The following RABEP1 variants were observed in gnomAD, a reference collection of about 807,000 sequenced individuals.
RABEP1 encodes rab GTPase-binding effector protein 1.
Under a neutral mutation model 123.4 loss-of-function variants are expected in RABEP1, and 51 were observed. That is an observed-to-expected ratio of 0.41 (90% CI 0.33 to 0.52). The LOEUF is 0.52. Ranked by LOEUF, RABEP1 falls within the 20% of genes least tolerant of loss-of-function variation. The probability of loss-of-function intolerance (pLI) is 0.16; values close to 1 mark genes in which losing one functional copy is unlikely to be tolerated. For synonymous variants in RABEP1, 347 were observed against 355.2 expected (o/e 0.98, Z 0.26); for missense variants, 888 against 996.3 (o/e 0.89, Z 1.46).
At chr17:5,361,070 G>A (rs1024876187) in intron 8 of RABEP1, 138 bp from the exon 9 acceptor site, 2 of 766,296 alleles carry the variant, frequency 2.6e-6, no homozygotes, top group Non-Finnish European at 4.1e-6. Context: ...GACACTTAGT[G>A]TTTGTTCAAT....
At chr17:5,343,233 C>G (rs558346472) in intron 5 of RABEP1, among the ~76,000 whole-genome samples, 2 of 152,056 alleles carry the variant, frequency 1.3e-5, no homozygotes, top group African/African-American at 2.4e-5. Flanking sequence ...GCCTAGGCGA[C>G]GAGTGAAACT....
At chr17:5,331,907 C>A in intron 2 of RABEP1, 42 bp from the exon 3 acceptor site, 1 of 1,560,544 alleles carries the variant, frequency 6.4e-7, no homozygotes, top group South Asian at 1.1e-5. Flanking sequence ...CCAGTCTGAT[C>A]AAAGTGAACA....
Position 5,335,294 on chromosome 17 carries a change from A to C in RABEP1, c.478A>C (p.Arg160=). 2 of 1,614,024 alleles carry C rather than the reference A, an allele frequency of 1.2e-6. No individual in the cohort carries two copies. The highest frequency in any genetic ancestry group is 1.1e-5 in the South Asian group (1 of 91,072). Residue 160 remains arginine, a synonymous_variant, in exon 4 of 18, where the codon AGG becomes CGG. Coordinates refer to ENST00000537505, the MANE Select transcript of RABEP1 (RefSeq NM_004703.6). ...GAGGGAAATAGCTGATTTAAGAAGA[A>C]GGCTGTCTGAAGGTCAAGAGGAGGA... ...AEREIADLRR[R]LSEGQEEENL... is the part of the protein sequence containing the mutation.
chr17:5,382,580 C>T lies in RABEP1; in HGVS notation c.2488-542C>T, dbSNP rs192806433. On this transcript the variant is annotated intron_variant, in intron 17 of 17. Coordinates refer to ENST00000537505, the MANE Select transcript of RABEP1 (RefSeq NM_004703.6). ...ATTGACCAACAATATGGTGAAACCC[C>T]GTCTCTACTTAAAATACAAAAATTA... 5.9e-3 allele frequency among the ~76,000 whole-genome samples: 889 copies of T among 151,738 alleles called. 6 individuals carry two copies. Among genetic ancestry groups the T allele is most frequent in the African/African-American group, 0.02 (832 of 41,414 alleles).
At chr17:5,301,557 C>A (rs2075135078) in intron 1 of RABEP1, among the ~76,000 whole-genome samples, 1 of 152,094 alleles carries the variant, frequency 6.6e-6, no homozygotes, top group Non-Finnish European at 1.5e-5. Flanking sequence ...GAATATAAAT[C>A]CATGTACTGC....
intron 9 of RABEP1, among the ~76,000 whole-genome samples, chr17:5,362,324 G>C (rs927422132): frequency 2.0e-5 from 3 of 152,164 alleles, no homozygotes; most frequent in African/African-American, 7.2e-5. Context: ...TTACAGGTGA[G>C]AAAACTGGCT....
At chr17:5,367,756 C>G (rs558872108) in intron 11 of RABEP1, among the ~76,000 whole-genome samples, 1 of 146,616 alleles carries the variant, frequency 6.8e-6, no homozygotes, top group East Asian at 2.1e-4. Flanking sequence ...AATTTTCTCT[C>G]TTTTTTTTTT....
chr17:5,340,632 A>C (rs1183670352), intron 5 of RABEP1, among the ~76,000 whole-genome samples: 1 of 123,648 alleles, frequency 8.1e-6, no homozygotes, highest in Non-Finnish European at 1.6e-5. Flanking sequence ...GAATAATGCC[A>C]GATCTTTAAA....
intron 2 of RABEP1, among the ~76,000 whole-genome samples, chr17:5,311,338 C>T (rs977591148): frequency 3.9e-5 from 6 of 151,986 alleles, no homozygotes; most frequent in South Asian, 2.1e-4. Flanking sequence ...GTTTTCTTTA[C>T]GGAGATATTA....
At position 5,354,378 on chromosome 17, in the gene RABEP1, G is replaced by A. The variant is rs887617082; in HGVS notation, c.983G>A (p.Arg328Lys). The stretch of plus-strand genomic sequence containing the variant: ...TTTTAGGAGGATGATGAACAACAAA[G>A]ACTCAATAAGAGAAAGGATCACAAA... ...KKDQEDDEQQ[R>K]LNKRKDHKKA... Residue 328 changes from arginine (R) to lysine (K), a missense_variant, in exon 8 of 18, where the codon AGA (arginine) becomes AAA (lysine). Coordinates refer to ENST00000537505, the MANE Select transcript of RABEP1 (RefSeq NM_004703.6). 6.2e-7 allele frequency: 1 copy of A among 1,611,686 alleles called. No individual in the cohort carries two copies. The highest frequency in any genetic ancestry group is 8.5e-7 in the Non-Finnish European group (1 of 1,179,086).
intron 2 of RABEP1, among the ~76,000 whole-genome samples, chr17:5,311,918 A>G (rs1277190358): frequency 6.6e-6 from 1 of 152,136 alleles, no homozygotes; most frequent in Non-Finnish European, 1.5e-5. Flanking sequence ...TGAGTGAGTA[A>G]ATAGAAACAG....
intron 13 of RABEP1, among the ~76,000 whole-genome samples, chr17:5,375,643 C>T (rs996844246): frequency 1.3e-5 from 2 of 151,948 alleles, no homozygotes; most frequent in African/African-American, 4.8e-5. Flanking sequence ...GAGGTCAAAG[C>T]TGCAGTGAGC....
At chr17:5,353,887 A>G (rs927976843) in intron 7 of RABEP1, among the ~76,000 whole-genome samples, 1 of 152,198 alleles carries the variant, frequency 6.6e-6, no homozygotes, top group Non-Finnish European at 1.5e-5. Context: ...GGAGAGGATG[A>G]GGTGGGAGAA....
intron 1 of RABEP1, among the ~76,000 whole-genome samples, chr17:5,306,219 A>G (rs2075178272): frequency 6.6e-6 from 1 of 152,022 alleles, no homozygotes; most frequent in South Asian, 2.1e-4. Context: ...TTCTAACAGA[A>G]AGCCTATTGT....
chr17:5,315,710 A>G (rs374133886), intron 2 of RABEP1, among the ~76,000 whole-genome samples: 5 of 152,134 alleles, frequency 3.3e-5, no homozygotes, highest in Admixed American at 6.5e-5. Flanking sequence ...AAACTAGCCG[A>G]GCATGGTGGT....
In RABEP1 at chr17:5,364,016, A is replaced by C. The variant is rs78600451; in HGVS notation, c.1668+1000A>C. Among the ~76,000 whole-genome samples the C allele has an allele frequency of 3.6e-3, 547 of 152,368 alleles. 3 individuals are homozygous for C. Among genetic ancestry groups the C allele is most frequent in the African/African-American group, 0.012 (510 of 41,586 alleles). On this transcript the variant is annotated intron_variant, in intron 10 of 17. Coordinates refer to ENST00000537505, the MANE Select transcript of RABEP1 (RefSeq NM_004703.6). The stretch of plus-strand genomic sequence containing the variant: ...GAAGATTGTTCCCTTAGCCTTCAAA[A>C]TAACTTCAAGCCAATTAGAATGATG...
At chr17:5,333,616 G>T (rs1351105250) in intron 3 of RABEP1, among the ~76,000 whole-genome samples, 2 of 152,084 alleles carry the variant, frequency 1.3e-5, no homozygotes. Context: ...ATTACTCTAG[G>T]CTTCATATAA....
chr17:5,379,113 C>G (rs529685009), intron 15 of RABEP1, among the ~76,000 whole-genome samples: 1 of 152,286 alleles, frequency 6.6e-6, no homozygotes, highest in East Asian at 1.9e-4. Flanking sequence ...TCTTCCATTC[C>G]TCACAGTGGC....
chr17:5,303,035 A>G (rs1163541990), intron 1 of RABEP1, among the ~76,000 whole-genome samples: 4 of 152,158 alleles, frequency 2.6e-5, no homozygotes, highest in Non-Finnish European at 5.9e-5. Flanking sequence ...TTTGATTTAA[A>G]TCTCATCAGC....
Sources: allele counts gnomAD v4.1 joint callset (sites outside exome capture counted in the v4.1 genomes callset), GRCh38; gene constraint gnomAD v4.1.1; transcripts MANE v1.5; gene names NCBI Gene and HGNC (gene_info 2026-07-23, HGNC 2026-07-21).